Variants in SLC22A9 observed in about 807,000 individuals in gnomAD.
SLC22A9 encodes solute carrier family 22 member 9.
Under a neutral mutation model 50.1 loss-of-function variants are expected in SLC22A9, and 64 were observed. That is an observed-to-expected ratio of 1.28 (90% CI 1.04 to 1.57). The LOEUF (loss-of-function observed/expected upper bound fraction) is 1.57, where lower values mean the gene tolerates loss of function less well. SLC22A9 is among the 40% of genes most tolerant of loss of function. The pLI, the probability that SLC22A9 is intolerant of heterozygous loss-of-function variation, is 0.00. For synonymous variants in SLC22A9, 261 were observed against 242.5 expected (o/e 1.08, Z -0.71); for missense variants, 757 against 676.1 (o/e 1.12, Z -1.33).
At chr11:63,401,977 C>G (rs1233743397) in intron 6 of SLC22A9, among the ~76,000 whole-genome samples, 2 of 151,820 alleles carry the variant, frequency 1.3e-5, no homozygotes, top group Admixed American at 1.3e-4. Context: ...TTTATTGTTG[C>G]TTTATTTGAG....
Position 63,393,185 on chromosome 11 carries a change from C to T in SLC22A9, c.1073+10908C>T, listed in dbSNP as rs114120392. Among the ~76,000 whole-genome samples the T allele has an allele frequency of 6.2e-3, 940 of 152,106 alleles. 10 individuals carry two copies. The highest frequency in any genetic ancestry group is 0.021 in the African/African-American group (855 of 41,506). ...CTTTCAGCAGTGTTTTGTAGCTTTC[C>T]TTGTAGGGGTCTTTTGTCTCCTTGG... On this transcript the variant is annotated intron_variant, in intron 6 of 9. Transcript: ENST00000279178.
At chr11:63,393,766 T>C (rs10897411) in intron 6 of SLC22A9, among the ~76,000 whole-genome samples, 76,348 of 151,902 alleles carry the variant, frequency 0.5, 21,028 homozygotes, top group Non-Finnish European at 0.63. Context: ...AATATGATGA[T>C]TATGTGTCTT....
At chr11:63,392,434 C>T (rs1396698185) in intron 6 of SLC22A9, among the ~76,000 whole-genome samples, 2 of 151,918 alleles carry the variant, frequency 1.3e-5, no homozygotes, top group Non-Finnish European at 2.9e-5. Context: ...ATTTGTTTTT[C>T]TAGGAAAGTC....
In SLC22A9 at chr11:63,394,193, C is replaced by G. The variant is rs1045537699; in HGVS notation, c.1073+11916C>G. ...CTGGTTATTCTAGTTAGCAATTCCT[C>G]TAACCTTTTTTCAACGTTCTTAGCT... On this transcript the variant is annotated intron_variant, in intron 6 of 9. Coordinates refer to ENST00000279178, the MANE Select transcript of SLC22A9 (RefSeq NM_080866.3). Among the ~76,000 whole-genome samples the G allele has an allele frequency of 2.0e-5, 3 of 152,266 alleles. No homozygotes were observed. In the South Asian group the frequency reaches 6.2e-4, roughly 32 times the overall value.
At position 63,406,614 on chromosome 11, in the gene SLC22A9, A is replaced by C; in HGVS notation, c.1191A>C (p.Ala397=). The change falls in exon 7 of 10, where the codon GCA becomes GCC. Residue 397 remains alanine (A), a synonymous_variant. Coordinates refer to ENST00000279178, the MANE Select transcript of SLC22A9 (RefSeq NM_080866.3). ...TCATCCTCCTGGCCAACTGTGTTGC[A>C]CCTTGGGCACTGAAATACATGAACC... ...GAVILLANCV[A]PWALKYMNRR... 1 of 1,613,824 alleles carries C rather than the reference A, an allele frequency of 6.2e-7. No homozygotes were observed.
intron 6 of SLC22A9, among the ~76,000 whole-genome samples, chr11:63,385,909 A>G (rs959399218): frequency 2.0e-5 from 3 of 152,198 alleles, no homozygotes; most frequent in African/African-American, 7.2e-5. Flanking sequence ...TTGCCCATTC[A>G]GAATGATATT....
intron 6 of SLC22A9, among the ~76,000 whole-genome samples, 173 bp downstream of exon 6, chr11:63,382,450 C>T (rs1027029671): frequency 3.9e-5 from 6 of 152,130 alleles, no homozygotes; most frequent in African/African-American, 9.7e-5. Context: ...AAGACTGACA[C>T]GGAATTAATT....
intron 6 of SLC22A9, among the ~76,000 whole-genome samples, chr11:63,395,387 G>C (rs777137600): frequency 7.9e-5 from 12 of 152,206 alleles, no homozygotes; most frequent in Admixed American, 2.6e-4. Context: ...AAAGGCTGTT[G>C]TTCAGGTTAT....
rs1369489018 is a variant in SLC22A9 at position 63,371,211 on chromosome 11, G to A, written c.479G>A (p.Gly160Asp). The A allele has an allele frequency of 1.2e-6, 2 of 1,612,958 alleles. No individual in the cohort carries two copies. The highest frequency in any genetic ancestry group is 1.3e-5 in the African/African-American group (1 of 74,940). Residue 160 changes from glycine (G) to aspartate (D), a missense_variant, in exon 2 of 10, where the codon GGC (glycine) becomes GAC (aspartate). Transcript: ENST00000279178. Reference sequence around the variant, plus strand: ...TTCATGGCTGGAATGATGGTGGGAGGCATCCTAGGCGGTCATTTATCAGAC... The same window carrying A: ...TTCATGGCTGGAATGATGGTGGGAGACATCCTAGGCGGTCATTTATCAGAC... ...FVFMAGMMVGGILGGHLSDRF... is the reference protein window; with the variant it reads ...FVFMAGMMVGDILGGHLSDRF...
At chr11:63,374,825 T>A (rs2014432384) in intron 4 of SLC22A9, among the ~76,000 whole-genome samples, 1 of 152,122 alleles carries the variant, frequency 6.6e-6, no homozygotes, top group Non-Finnish European at 1.5e-5. Context: ...AAATTTACTT[T>A]CATAACTATC....
intron 6 of SLC22A9, among the ~76,000 whole-genome samples, chr11:63,395,634 T>C (rs518747): frequency 0.046 from 7,055 of 152,176 alleles, 480 homozygotes; most frequent in African/African-American, 0.14. Flanking sequence ...GTGGGTGAAA[T>C]TGACTCTATG....
rs200416202 is a variant in SLC22A9 at position 63,370,477 on chromosome 11, G to A, written c.402+19G>A. The A allele has an allele frequency of 4.8e-4, 736 of 1,544,842 alleles. 4 individuals carry two copies. The highest frequency in any genetic ancestry group is 3.7e-3 in the South Asian group (291 of 78,072). On this transcript the variant is annotated intron_variant, in intron 1 of 9. Coordinates refer to ENST00000279178, the MANE Select transcript of SLC22A9 (RefSeq NM_080866.3). ...GACTGAGGTAAGAGGCTCTGTTCTC[G>A]TCTCATGAGTATGTGACCTGGGTGT... is the stretch of plus-strand genomic sequence containing the variant.
chr11:63,377,126 G>A (rs2014474435), intron 5 of SLC22A9, among the ~76,000 whole-genome samples: 1 of 151,702 alleles, frequency 6.6e-6, no homozygotes, highest in Non-Finnish European at 1.5e-5. Context: ...CACTGGCAGT[G>A]TTAGACAGAT....
rs1490453712 is a variant in SLC22A9, at chr11:63,373,887, C to G, written c.662-7C>G. 2.5e-6 allele frequency: 4 copies of G among 1,609,608 alleles called. No individual in the cohort carries two copies. The highest frequency in any genetic ancestry group is 1.1e-5 in the South Asian group (1 of 90,358). On this transcript the variant is annotated splice_region_variant and splice_polypyrimidine_tract_variant and intron_variant, in intron 3 of 9. Transcript: ENST00000279178. The stretch of plus-strand genomic sequence containing the variant: ...GAAGTCAAAGCCTTATCTGTTTTTT[C>G]TTCCAGTAGCCGAGTGGGCAACACA...
intron 6 of SLC22A9, among the ~76,000 whole-genome samples, chr11:63,395,333 G>C (rs1591023910): frequency 6.6e-6 from 1 of 152,060 alleles, no homozygotes; most frequent in East Asian, 1.9e-4. Flanking sequence ...CATTTTACCA[G>C]AGTTGGTTTT....
chr11:63,394,926 G>T (rs951949453), intron 6 of SLC22A9, among the ~76,000 whole-genome samples: 2 of 150,920 alleles, frequency 1.3e-5, no homozygotes, highest in African/African-American at 4.9e-5. Flanking sequence ...ATATTTTCTT[G>T]TTCTTTTTTC....
chr11:63,375,309 A>T (rs1487533804), intron 4 of SLC22A9, among the ~76,000 whole-genome samples: 1 of 152,210 alleles, frequency 6.6e-6, no homozygotes, highest in Admixed American at 6.6e-5. Flanking sequence ...AAGAATAGAC[A>T]TAAGTCATGA....
chr11:63,384,950 T>A (rs766358576), intron 6 of SLC22A9, among the ~76,000 whole-genome samples: 17 of 152,156 alleles, frequency 1.1e-4, no homozygotes, highest in Non-Finnish European at 2.5e-4. Context: ...TTGAGAAGTG[T>A]CTCTTCATGT....
intron 9 of SLC22A9, 132 bp downstream of exon 9, chr11:63,409,011 C>T: frequency 1.0e-6 from 1 of 968,662 alleles, no homozygotes; most frequent in South Asian, 1.5e-5. Flanking sequence ...GTAATCAGTG[C>T]CTTAGGTCTA....
Sources: allele counts gnomAD v4.1 joint callset (sites outside exome capture counted in the v4.1 genomes callset), GRCh38; gene constraint gnomAD v4.1.1; transcripts MANE v1.5; gene names NCBI Gene and HGNC (gene_info 2026-07-23, HGNC 2026-07-21).